Variants in ASCC3 observed in about 807,000 individuals in gnomAD.
ASCC3 encodes activating signal cointegrator 1 complex subunit 3.
Under a neutral mutation model 256.3 loss-of-function variants are expected in ASCC3, and 158 were observed. The observed-to-expected ratio is 0.62, with a 90% CI of 0.54 to 0.70. The LOEUF is 0.70. ASCC3 is among the 30% of genes least tolerant of loss of function. The probability of loss-of-function intolerance (pLI) is 0.00; values close to 1 mark genes in which losing one functional copy is unlikely to be tolerated. For synonymous variants in ASCC3, 948 were observed against 883.4 expected, an observed-to-expected ratio of 1.07 and a Z score of -1.30; for missense variants, 2,259 against 2,626.0, an observed-to-expected ratio of 0.86 and a Z score of 3.05.
chr6:100,689,274 G>A (rs946036304), intron 13 of ASCC3, among the ~76,000 whole-genome samples: 2 of 152,100 alleles, frequency 1.3e-5, no homozygotes, highest in Non-Finnish European at 2.9e-5. Context: ...GTCATACTAC[G>A]TGCTAGGTCC....
intron 40 of ASCC3, 158 bp from the exon 41 acceptor site, chr6:100,510,265 G>C (rs1773697790): frequency 1.3e-6 from 1 of 765,098 alleles, no homozygotes; most frequent in Non-Finnish European, 2.1e-6. Flanking sequence ...TTCTGGTTTG[G>C]TGTCTTTGAT....
At chr6:100,848,118 A>G (rs1456541026) in intron 4 of ASCC3, 30 bp downstream of exon 4, 1 of 1,534,110 alleles carries the variant, frequency 6.5e-7, no homozygotes, top group African/African-American at 1.4e-5. Flanking sequence ...GTTCACATTA[A>G]TATAAAAAAA....
rs143065824 is a variant in ASCC3 at position 100,673,388 on chromosome 6, C to T, written c.2286+6230G>A. On this transcript the variant is annotated intron_variant, in intron 14 of 41. Transcript: ENST00000369162. ...TGATGTCTTTAGAGTGCTTCCTCTACTCAAGTATTTTCAAGTGAGTGAAAA... is the reference window on the plus strand; with the variant it reads ...TGATGTCTTTAGAGTGCTTCCTCTATTCAAGTATTTTCAAGTGAGTGAAAA... Among the ~76,000 whole-genome samples, 207 of 152,094 alleles carry T rather than the reference C, an allele frequency of 1.4e-3. 4 individuals carry two copies. In the East Asian group the frequency reaches 0.032, roughly 24 times the overall value.
intron 4 of ASCC3, among the ~76,000 whole-genome samples, chr6:100,817,042 T>C (rs1356253385): frequency 1.3e-5 from 2 of 152,056 alleles, no homozygotes; most frequent in Non-Finnish European, 2.9e-5. Context: ...TACATTCTTC[T>C]CTAGCACGCA....
rs546324713 is a variant in ASCC3, at chr6:100,668,657, C to T, written c.2287-6121G>A. Among the ~76,000 whole-genome samples the T allele has an allele frequency of 3.0e-4, 46 of 152,002 alleles. 1 individual carries two copies. Among genetic ancestry groups the T allele is most frequent in the African/African-American group, 1.1e-3 (44 of 41,536 alleles). ...AACAATATCTCTCTTACAAATATTACTCTAAATAGTAAAGAACTTTAGAAA... is the reference window on the plus strand; with the variant it reads ...AACAATATCTCTCTTACAAATATTATTCTAAATAGTAAAGAACTTTAGAAA... On this transcript the variant is annotated intron_variant, in intron 14 of 41. Coordinates refer to ENST00000369162, the MANE Select transcript of ASCC3 (RefSeq NM_006828.4).
chr6:100,705,579 A>G (rs1411193199), intron 13 of ASCC3, among the ~76,000 whole-genome samples: 1 of 152,030 alleles, frequency 6.6e-6, no homozygotes, highest in Admixed American at 6.6e-5. Context: ...CAAACCAGGG[A>G]GAAATCCAAG....
intron 25 of ASCC3, among the ~76,000 whole-genome samples, chr6:100,634,567 A>G (rs534028669): frequency 6.6e-6 from 1 of 152,340 alleles, no homozygotes; most frequent in East Asian, 1.9e-4. Context: ...TTATTCAATT[A>G]AAAATGGGCA....
intron 34 of ASCC3, among the ~76,000 whole-genome samples, chr6:100,595,961 T>A (rs1270192281): frequency 1.3e-5 from 2 of 152,216 alleles, no homozygotes; most frequent in Non-Finnish European, 2.9e-5. Context: ...ATGCTTATTT[T>A]ATTTTTAAGC....
intron 36 of ASCC3, among the ~76,000 whole-genome samples, chr6:100,568,453 T>C (rs1392177424): frequency 6.6e-6 from 1 of 152,074 alleles, no homozygotes; most frequent in East Asian, 1.9e-4. Flanking sequence ...ATTAGCGATG[T>C]GGAGCATTTT....
At chr6:100,769,415 C>T (rs183083413) in intron 8 of ASCC3, among the ~76,000 whole-genome samples, 28 of 151,896 alleles carry the variant, frequency 1.8e-4, no homozygotes, top group African/African-American at 6.7e-4. Context: ...GACAGATATG[C>T]TAATTACCCT....
rs149982718 is a variant in ASCC3 at position 100,658,482 on chromosome 6, T to C, written c.2704-2664A>G. ...ATGTATATATAAGCTAGTAAATATA[T>C]ATAAAAACTATGCTACTATTCATTT... On this transcript the variant is annotated intron_variant, in intron 16 of 41. Coordinates refer to ENST00000369162, the MANE Select transcript of ASCC3 (RefSeq NM_006828.4). Among the ~76,000 whole-genome samples the C allele has an allele frequency of 4.0e-5, 6 of 151,558 alleles. No individual in the cohort carries two copies. The East Asian group carries it at 7.7e-4, about 20-fold the overall frequency.
intron 4 of ASCC3, among the ~76,000 whole-genome samples, chr6:100,828,429 C>A (rs1771438024): frequency 6.6e-6 from 1 of 152,108 alleles, no homozygotes; most frequent in Non-Finnish European, 1.5e-5. Flanking sequence ...ATATCAAACC[C>A]TATATATACT....
chr6:100,549,101 C>G (rs1769162900), intron 36 of ASCC3, among the ~76,000 whole-genome samples: 1 of 151,550 alleles, frequency 6.6e-6, no homozygotes, highest in Non-Finnish European at 1.5e-5. Flanking sequence ...GTAACTGAAA[C>G]CTGGAAAGAA....
intron 4 of ASCC3, among the ~76,000 whole-genome samples, chr6:100,835,451 A>T (rs1771829238): frequency 6.6e-6 from 1 of 152,128 alleles, no homozygotes; most frequent in South Asian, 2.1e-4. Context: ...TGATTTTTGT[A>T]CATTGTGATA....
chr6:100,594,996 G>A (rs1772210947), intron 34 of ASCC3, among the ~76,000 whole-genome samples: 1 of 151,968 alleles, frequency 6.6e-6, no homozygotes, highest in Non-Finnish European at 1.5e-5. Context: ...ACCTAAAAAA[G>A]TTAAACTCAT....
chr6:100,842,890 G>A (rs1048791311), intron 4 of ASCC3, among the ~76,000 whole-genome samples: 1 of 152,056 alleles, frequency 6.6e-6, no homozygotes, highest in African/African-American at 2.4e-5. Context: ...CAAGAGGATT[G>A]CTTGAGCCCA....
At chr6:100,618,567 A>G (rs183048507) in intron 30 of ASCC3, among the ~76,000 whole-genome samples, 23 of 152,320 alleles carry the variant, frequency 1.5e-4, no homozygotes, top group Admixed American at 1.4e-3. Flanking sequence ...AGTAAAAGAG[A>G]TGAAAATTAT....
In ASCC3 at chr6:100,605,813, T is replaced by C. The variant is rs1178908188; in HGVS notation, c.5045-113A>G. ...CCAAATAACAAAAGAAATAGAATATTGTGATAATATGTTTGCTATGTTGAT... is the reference window on the plus strand; with the variant it reads ...CCAAATAACAAAAGAAATAGAATATCGTGATAATATGTTTGCTATGTTGAT... On this transcript the variant is annotated intron_variant, in intron 32 of 41. Coordinates refer to ENST00000369162, the MANE Select transcript of ASCC3 (RefSeq NM_006828.4). 1.2e-5 allele frequency: 15 copies of C among 1,217,014 alleles called. No individual in the cohort carries two copies. The East Asian group carries it at 3.5e-4, about 28-fold the overall frequency. The allele number at this position is 1,217,014 out of a possible 1,614,324, so 75.4% of individuals were successfully genotyped here.
chr6:100,830,988 A>G (rs951908390), intron 4 of ASCC3, among the ~76,000 whole-genome samples: 4 of 152,208 alleles, frequency 2.6e-5, no homozygotes, highest in Non-Finnish European at 5.9e-5. Context: ...ACATAACATC[A>G]TGATTAATTT....
Sources: allele counts gnomAD v4.1 joint callset (sites outside exome capture counted in the v4.1 genomes callset), GRCh38; gene constraint gnomAD v4.1.1; transcripts MANE v1.5; gene names NCBI Gene and HGNC (gene_info 2026-07-23, HGNC 2026-07-21).